Variants in AMOTL1 observed in about 807,000 individuals in gnomAD.
AMOTL1 encodes the protein angiomotin-like protein 1.
AMOTL1 carries 45 observed loss-of-function variants against 102.9 expected under a neutral mutation model. The ratio of observed to expected loss-of-function variants is 0.44; its 90% CI spans 0.34 to 0.56. The LOEUF is 0.56. AMOTL1 is among the 20% of genes least tolerant of loss of function. The pLI is 0.01. For missense variants in AMOTL1, 1,114 were observed against 1,225.6 expected, an observed-to-expected ratio of 0.91 and a Z score of 1.36; for synonymous variants, 481 against 484.7, an observed-to-expected ratio of 0.99 and a Z score of 0.10.
intron 1 of AMOTL1, among the ~76,000 whole-genome samples, chr11:94,773,426 A>G (rs1366756145): frequency 1.3e-5 from 2 of 152,200 alleles, no homozygotes; most frequent in Non-Finnish European, 2.9e-5. Context: ...CTTATAAACC[A>G]TCTATTAGGT....
At chr11:94,827,561 A>G (rs1442803499) in intron 4 of AMOTL1, among the ~76,000 whole-genome samples, 1 of 152,264 alleles carries the variant, frequency 6.6e-6, no homozygotes, top group African/African-American at 2.4e-5. Context: ...GATTTAGGAC[A>G]TACTGTCCTC....
intron 6 of AMOTL1, among the ~76,000 whole-genome samples, chr11:94,846,771 A>G (rs530676732): frequency 2.6e-5 from 4 of 152,300 alleles, no homozygotes; most frequent in Non-Finnish European, 5.9e-5. Context: ...TATTTCTGCC[A>G]TTGATGATCA....
chr11:94,708,873 C>T (rs1305703388), intron 1 of AMOTL1, among the ~76,000 whole-genome samples: 2 of 152,150 alleles, frequency 1.3e-5, no homozygotes, highest in South Asian at 2.1e-4. Context: ...GAAACCAGTA[C>T]AGTTAACCAG....
rs191106785 is a variant in AMOTL1 at position 94,818,226 on chromosome 11, A to G, written c.1122-3304A>G. Among the ~76,000 whole-genome samples the G allele has an allele frequency of 1.8e-3, 280 of 152,332 alleles. 2 individuals are homozygous for G. The highest frequency in any genetic ancestry group is 6.3e-3 in the African/African-American group (263 of 41,574). ...AATTGAGGTTGACTTGTAGAGCCAAATAAAACCCTTTGGGAAAGCTGGCCT... is the reference window on the plus strand; with the variant it reads ...AATTGAGGTTGACTTGTAGAGCCAAGTAAAACCCTTTGGGAAAGCTGGCCT... On this transcript the variant is annotated intron_variant, in intron 3 of 12. Coordinates refer to ENST00000433060, the MANE Select transcript of AMOTL1 (RefSeq NM_130847.3).
chr11:94,853,035 T>A (rs1441435241), intron 7 of AMOTL1, among the ~76,000 whole-genome samples: 2 of 152,214 alleles, frequency 1.3e-5, no homozygotes, highest in African/African-American at 2.4e-5. Flanking sequence ...GTTATGATAA[T>A]GTTGTATATA....
At chr11:94,796,921 A>G (rs1384227014) in intron 2 of AMOTL1, 10 of 788,936 alleles carry the variant, frequency 1.3e-5, no homozygotes, top group Non-Finnish European at 1.5e-5. Context: ...TATCTTGTAT[A>G]TAAGCATATC....
intron 1 of AMOTL1, among the ~76,000 whole-genome samples, chr11:94,717,117 C>T (rs563785245): frequency 6.6e-6 from 1 of 151,934 alleles, no homozygotes; most frequent in East Asian, 1.9e-4. Context: ...CCAGGGAAAT[C>T]ACTATGGTGT....
intron 3 of AMOTL1, among the ~76,000 whole-genome samples, chr11:94,804,439 C>T (rs1951532976): frequency 6.6e-6 from 1 of 152,168 alleles, no homozygotes; most frequent in Non-Finnish European, 1.5e-5. Context: ...AGGCATGTGC[C>T]ACCGTGCCCA....
chr11:94,768,531 G>A lies in AMOTL1; in HGVS notation c.20G>A (p.Arg7His), dbSNP rs373449240. ...CGCCTCATGTGGAGGGCAAAGTTGC[G>A]CCGGGGAACTTGTGAGCCTGCGGTG... is the stretch of plus-strand genomic sequence containing the variant. MWRAKL[R>H]RGTCEPAVKG... Residue 7 changes from arginine to histidine, a missense_variant, in exon 1 of 13, where the codon CGC becomes CAC. By Grantham distance (29) the Arg-to-His change is conservative. Coordinates refer to ENST00000433060, the MANE Select transcript of AMOTL1 (RefSeq NM_130847.3). The A allele has an allele frequency of 5.0e-6, 8 of 1,601,910 alleles. No individual in the cohort carries two copies. The highest frequency in any genetic ancestry group is 1.6e-4 in the Middle Eastern group (1 of 6,070).
chr11:94,729,049 A>G (rs1950304585), exon 2 of AMOTL1: 2 of 1,289,128 alleles, frequency 1.6e-6, no homozygotes, highest in Non-Finnish European at 2.0e-6. Flanking sequence ...TGCCAGCACC[A>G]GAGCGGGTAA....
intron 3 of AMOTL1, among the ~76,000 whole-genome samples, chr11:94,810,864 ACACACG>A (rs140599760): frequency 2.7e-5 from 4 of 149,344 alleles, no homozygotes; most frequent in African/African-American, 5.0e-5. Context: ...ACACACACAC[ACACACG>A]CGTACACACA....
At chr11:94,766,916 A>G (rs1462775777), upstream of AMOTL1, among the ~76,000 whole-genome samples, 3 of 152,032 alleles carry the variant, frequency 2.0e-5, no homozygotes, top group African/African-American at 7.3e-5. Flanking sequence ...TTTCTGGTAA[A>G]AACGCTTTCC....
intron 10 of AMOTL1, 67 bp from the exon 11 acceptor site, chr11:94,865,875 A>T: frequency 7.4e-7 from 1 of 1,356,474 alleles, no homozygotes. Context: ...GGACAGCCTG[A>T]GATAAATGTT....
intron 1 of AMOTL1, among the ~76,000 whole-genome samples, chr11:94,781,453 C>T (rs567574475): frequency 6.8e-4 from 104 of 152,236 alleles, no homozygotes; most frequent in Non-Finnish European, 1.3e-3. Flanking sequence ...TTGGACTTTC[C>T]CCATGGGGGA....
intron 1 of AMOTL1, among the ~76,000 whole-genome samples, chr11:94,707,419 A>T (rs1225288181): frequency 2.0e-5 from 3 of 152,114 alleles, no homozygotes; most frequent in African/African-American, 7.2e-5. Flanking sequence ...CATCTTGTTT[A>T]TGACAGAGGT....
At chr11:94,792,635 T>C (rs1027482295) in intron 1 of AMOTL1, among the ~76,000 whole-genome samples, 12 of 152,186 alleles carry the variant, frequency 7.9e-5, no homozygotes, top group African/African-American at 2.7e-4. Context: ...TGAGGAGTGG[T>C]CAGCAGCAGT....
At chr11:94,794,729 T>G (rs11828458) in intron 1 of AMOTL1, among the ~76,000 whole-genome samples, 4,079 of 152,336 alleles carry the variant, frequency 0.027, 173 homozygotes, top group African/African-American at 0.094. Context: ...CTGGTGCTGC[T>G]GCAACCCTTG....
At chr11:94,724,149 T>A (rs532720318) in intron 1 of AMOTL1, among the ~76,000 whole-genome samples, 3 of 152,220 alleles carry the variant, frequency 2.0e-5, no homozygotes, top group African/African-American at 7.2e-5. Flanking sequence ...GGTTGTTTGG[T>A]TTGTCTTCTG....
Position 94,874,677 on chromosome 11 carries a change from C to G in AMOTL1, c.*3882C>G, listed in dbSNP as rs1261860721. 1.3e-5 allele frequency: 2 copies of G among 152,262 alleles called. No individual in the cohort carries two copies. Among genetic ancestry groups the G allele is most frequent in the African/African-American group, 4.8e-5 (2 of 41,458 alleles). 9.4% of individuals were successfully genotyped at this position (152,262 alleles called of 1,614,324 possible). On this transcript the variant is annotated 3_prime_UTR_variant, in exon 13 of 13. Transcript: ENST00000433060. ...CACCCTCATGATGCAGTGGCTGTAGCACCTTCATGCCAGGTGCTGAGAGAA... is the reference window on the plus strand; with the variant it reads ...CACCCTCATGATGCAGTGGCTGTAGGACCTTCATGCCAGGTGCTGAGAGAA...
Sources: allele counts gnomAD v4.1 joint callset (sites outside exome capture counted in the v4.1 genomes callset), GRCh38; gene constraint gnomAD v4.1.1; transcripts MANE v1.5; gene names NCBI Gene and HGNC (gene_info 2026-07-23, HGNC 2026-07-21).